The following NR3C2 variants were observed in gnomAD, a reference collection of about 807,000 sequenced individuals.
NR3C2 encodes the protein nuclear receptor subfamily 3 group C member 2, also known as mineralocorticoid receptor.
Under a neutral mutation model 86.4 loss-of-function variants are expected in NR3C2, and 15 were observed. That is an observed-to-expected ratio of 0.17 (90% CI 0.12 to 0.27). The LOEUF (loss-of-function observed/expected upper bound fraction) is 0.27, where lower values mean the gene tolerates loss of function less well. Ranked by LOEUF, NR3C2 falls within the 10% of genes least tolerant of loss-of-function variation. NR3C2 has a pLI of 1.00. For synonymous variants in NR3C2, 458 were observed against 450.5 expected, an observed-to-expected ratio of 1.02 and a Z score of -0.21; for missense variants, 960 against 1,195.6, an observed-to-expected ratio of 0.80 and a Z score of 2.91.
At chr4:148,112,012 C>G (rs1732066948) in intron 8 of NR3C2, among the ~76,000 whole-genome samples, 1 of 152,148 alleles carries the variant, frequency 6.6e-6, no homozygotes, top group Admixed American at 6.5e-5. Context: ...GAAACCCCCA[C>G]AGACACTAAT....
intron 4 of NR3C2, among the ~76,000 whole-genome samples, chr4:148,183,639 T>C (rs1263696163): frequency 6.6e-6 from 1 of 152,194 alleles, no homozygotes; most frequent in East Asian, 1.9e-4. Flanking sequence ...GAAGAGTATG[T>C]ATCTCATAGT....
chr4:148,346,462 G>A (rs144618894), intron 2 of NR3C2, among the ~76,000 whole-genome samples: 27 of 152,116 alleles, frequency 1.8e-4, no homozygotes, highest in African/African-American at 5.8e-4. Flanking sequence ...TAGACAGGCC[G>A]AGTCTGAAGT....
At chr4:148,394,687 C>T (rs1747769450) in intron 2 of NR3C2, among the ~76,000 whole-genome samples, 1 of 151,958 alleles carries the variant, frequency 6.6e-6, no homozygotes, top group Admixed American at 6.6e-5. Flanking sequence ...GCAAGACCCT[C>T]AAAAAATAAA....
intron 8 of NR3C2, among the ~76,000 whole-genome samples, chr4:148,088,796 T>C (rs1730934682): frequency 1.3e-5 from 2 of 152,100 alleles, no homozygotes; most frequent in South Asian, 4.2e-4. Flanking sequence ...CAAACCACCA[T>C]GGCACGTGTA....
At chr4:148,157,743 T>G (rs1199562325) in intron 4 of NR3C2, among the ~76,000 whole-genome samples, 1 of 152,220 alleles carries the variant, frequency 6.6e-6, no homozygotes, top group African/African-American at 2.4e-5. Context: ...ACCTTCTACT[T>G]AATCCTAACA....
chr4:148,272,423 T>C (rs1450579771), intron 2 of NR3C2, among the ~76,000 whole-genome samples: 1 of 152,108 alleles, frequency 6.6e-6, no homozygotes, highest in Non-Finnish European at 1.5e-5. Context: ...GAGTACTGAG[T>C]GAGGATTGAA....
intron 4 of NR3C2, among the ~76,000 whole-genome samples, chr4:148,186,627 A>G (rs1281794419): frequency 5.9e-5 from 9 of 151,926 alleles, no homozygotes; most frequent in Admixed American, 5.2e-4. Flanking sequence ...TTTTTTCCTC[A>G]TAAGTTATTG....
chr4:148,217,704 C>A (rs890872858), intron 3 of NR3C2, among the ~76,000 whole-genome samples: 1 of 152,192 alleles, frequency 6.6e-6, no homozygotes. Context: ...AAATGTGGAT[C>A]CAGAATAGTG....
intron 4 of NR3C2, among the ~76,000 whole-genome samples, chr4:148,158,710 T>A (rs948392287): frequency 2.6e-5 from 4 of 152,240 alleles, no homozygotes; most frequent in Admixed American, 6.5e-5. Flanking sequence ...AGGCTTTCAG[T>A]CTACAATGCT....
chr4:148,134,823 A>AT (rs1174671392), intron 6 of NR3C2, among the ~76,000 whole-genome samples: 2,231 of 139,234 alleles, frequency 0.016, 20 homozygotes, highest in Middle Eastern at 0.045. Flanking sequence ...TAATTTTTGT[A>AT]TTTTTTTTTT....
intron 2 of NR3C2, among the ~76,000 whole-genome samples, chr4:148,363,052 C>T (rs1390189503): frequency 6.6e-6 from 1 of 152,144 alleles, no homozygotes; most frequent in Admixed American, 6.5e-5. Context: ...AAGGTGACAA[C>T]GTTGCCTTGC....
intron 2 of NR3C2, among the ~76,000 whole-genome samples, chr4:148,342,872 C>T (rs1462531401): frequency 1.3e-5 from 2 of 152,168 alleles, no homozygotes; most frequent in African/African-American, 4.8e-5. Flanking sequence ...GGTTAATTGA[C>T]ATCTCTTACA....
chr4:148,161,440 C>T (rs6851178), intron 4 of NR3C2, among the ~76,000 whole-genome samples: 29,970 of 151,688 alleles, frequency 0.2, 3,233 homozygotes, highest in Middle Eastern at 0.33. Context: ...ACCTCCGTCT[C>T]CTGGGTTCAA....
At chr4:148,335,096 T>C (rs1579173563) in intron 2 of NR3C2, among the ~76,000 whole-genome samples, 1 of 152,342 alleles carries the variant, frequency 6.6e-6, no homozygotes, top group Non-Finnish European at 1.5e-5. Context: ...GATGACTTTA[T>C]TTCCAAACAA....
At chr4:148,389,357 G>A (rs904841468) in intron 2 of NR3C2, among the ~76,000 whole-genome samples, 4 of 152,146 alleles carry the variant, frequency 2.6e-5, no homozygotes, top group East Asian at 1.9e-4. Flanking sequence ...TATAGGACAC[G>A]GGTAAAAGGT....
intron 2 of NR3C2, among the ~76,000 whole-genome samples, chr4:148,272,960 C>T (rs2149887165): frequency 6.6e-6 from 1 of 152,228 alleles, no homozygotes; most frequent in Admixed American, 6.5e-5. Context: ...GTTTTAACTG[C>T]AAGAAGGCAA....
chr4:148,104,499 C>A (rs1056600137), intron 8 of NR3C2, among the ~76,000 whole-genome samples: 2 of 152,080 alleles, frequency 1.3e-5, no homozygotes, highest in African/African-American at 4.8e-5. Context: ...AAGAAAGCAG[C>A]ATAACACCGC....
At chr4:148,260,247 A>G (rs1370470019) in intron 2 of NR3C2, 130 bp from the exon 3 acceptor site, 7 of 1,153,452 alleles carry the variant, frequency 6.1e-6, no homozygotes, top group Non-Finnish European at 8.8e-6. Flanking sequence ...ACCACATACT[A>G]TGTGACTTAG....
At chr4:148,297,493 C>T (rs1011009838) in intron 2 of NR3C2, among the ~76,000 whole-genome samples, 14 of 152,186 alleles carry the variant, frequency 9.2e-5, no homozygotes, top group African/African-American at 3.4e-4. Flanking sequence ...GGCATGGTGG[C>T]TCATGCCTAT....
Sources: gnomAD v4.1 joint callset for allele counts (sites outside exome capture counted in the v4.1 genomes callset) on GRCh38, gnomAD v4.1.1 for gene constraint, MANE v1.5 for transcripts, NCBI Gene and HGNC (gene_info 2026-07-23, HGNC 2026-07-21) for gene names.